Variants in RNF19A observed in about 807,000 individuals in gnomAD.
The protein encoded by RNF19A is ring finger protein 19A, RBR E3 ubiquitin protein ligase.
RNF19A carries 32 observed loss-of-function variants against 75.7 expected under a neutral mutation model. The observed-to-expected ratio is 0.42, with a 90% CI of 0.32 to 0.57. The LOEUF is 0.57. Among genes scored for constraint, RNF19A ranks in the 20% least tolerant of loss-of-function variants. RNF19A has a pLI of 0.10. For missense variants in RNF19A, 782 were observed against 1,036.3 expected (o/e 0.75, Z 3.37); for synonymous variants, 335 against 345.2 (o/e 0.97, Z 0.33).
At chr8:100,298,167 CA>C in intron 1 of RNF19A, among the ~76,000 whole-genome samples, 1 of 145,468 alleles carries the variant, frequency 6.9e-6, no homozygotes, top group Middle Eastern at 3.5e-3. Context: ...GAAGATAGCA[CA>C]AATGTACCTA....
In RNF19A at chr8:100,317,319, C is replaced by G. The variant is rs1010681973; in HGVS notation, c.-242-3947G>C. 6.6e-6 allele frequency among the ~76,000 whole-genome samples: 1 copy of G among 152,234 alleles called. No individual in the cohort carries two copies. Among genetic ancestry groups the G allele is most frequent in the African/African-American group, 2.4e-5 (1 of 41,450 alleles). On this transcript the variant is annotated intron_variant, in intron 1 of 3. Coordinates refer to the RNF19A transcript ENST00000519527. The surrounding 1 kb of genome is among the most constrained non-coding windows in gnomAD (Gnocchi z 4.3). Reference sequence around the variant, plus strand: ...GAGGTGCCGAGAGCAAGCGAGGGCTCTGAGGACTGCCAGCACGCTGTCACC... The same window carrying G: ...GAGGTGCCGAGAGCAAGCGAGGGCTGTGAGGACTGCCAGCACGCTGTCACC...
At position 100,275,221 on chromosome 8, in the gene RNF19A, A is replaced by C; in HGVS notation, c.675-60T>G. On this transcript the variant is annotated intron_variant, in intron 2 of 9. Coordinates refer to ENST00000341084, the MANE Select transcript of RNF19A (RefSeq NM_183419.4). The surrounding 1 kb of genome is among the most constrained non-coding windows in gnomAD (Gnocchi z 4.3). Reference sequence around the variant, plus strand: ...CATAAAACAAGAGATACTCATTTCAAAAAGTATCCAACTAAAGATTATTCC... The same window carrying C: ...CATAAAACAAGAGATACTCATTTCACAAAGTATCCAACTAAAGATTATTCC... The C allele has an allele frequency of 7.0e-7, 1 of 1,428,224 alleles. No homozygotes were observed. The highest frequency in any genetic ancestry group is 9.8e-7 in the Non-Finnish European group (1 of 1,018,808). 88.5% of individuals were successfully genotyped at this position (1,428,224 alleles called of 1,614,324 possible).
At chr8:100,282,009 T>C (rs564670658) in intron 2 of RNF19A, among the ~76,000 whole-genome samples, 34 of 152,342 alleles carry the variant, frequency 2.2e-4, no homozygotes, top group Admixed American at 5.2e-4. Context: ...GGTTCTTTTT[T>C]CCACTATATG....
intron 1 of RNF19A, among the ~76,000 whole-genome samples, chr8:100,318,455 A>G (rs1822415808): frequency 6.6e-6 from 1 of 152,344 alleles, no homozygotes; most frequent in African/African-American, 2.4e-5. Flanking sequence ...TTTTGAAACA[A>G]GGCAAATAAA....
intron 1 of RNF19A, among the ~76,000 whole-genome samples, chr8:100,301,186 T>C (rs531370554): frequency 3.3e-5 from 5 of 152,266 alleles, no homozygotes; most frequent in Non-Finnish European, 7.3e-5. Context: ...GCTACCATAT[T>C]GGACTGAACA....
rs1586583462 is a variant in RNF19A at position 100,258,311 on chromosome 8, C to A, written c.*245G>T. ...CAAGCAATGTTTTGTGGCAAACACACAAAACATGCTTTGCTCTTCAAATTT... is the reference window on the plus strand; with the variant it reads ...CAAGCAATGTTTTGTGGCAAACACAAAAAACATGCTTTGCTCTTCAAATTT... On this transcript the variant is annotated 3_prime_UTR_variant, in exon 10 of 10. Transcript: ENST00000341084. The surrounding 1 kb of genome is among the most constrained non-coding windows in gnomAD (Gnocchi z 4.3). 2.2e-6 allele frequency: 1 copy of A among 447,314 alleles called. No homozygotes were observed. Among genetic ancestry groups the A allele is most frequent in the African/African-American group, 2.0e-5 (1 of 49,210 alleles). The allele number at this position is 447,314 out of a possible 1,614,324, so 27.7% of individuals were successfully genotyped here. A position where few individuals can be genotyped will look rare whatever the true frequency, so the allele number is the denominator to read the frequency against.
chr8:100,258,710 T>G lies in RNF19A; in HGVS notation c.2363A>C (p.Glu788Ala), dbSNP rs1423581847. 2 of 1,614,208 alleles carry G rather than the reference T, an allele frequency of 1.2e-6. No homozygotes were observed. The highest frequency in any genetic ancestry group is 2.2e-5 in the South Asian group (2 of 91,086). The part of the protein sequence containing the change: ...SVVTQTASCS[E>A]VSQLNHIAEE... ...AGCAATATGATTCAACTGTGAAACT[T>G]CTGAACAGGAAGCAGTTTGGGTAAC... The change falls in exon 10 of 10, where the codon GAA becomes GCA. Residue 788 changes from glutamate (E) to alanine (A), a missense_variant. By Grantham distance (107) the Glu-to-Ala change is moderately radical. Around this residue, in one of 7 missense-constraint regions of RNF19A, gnomAD observed 442 missense variants for 541.6 expected, o/e 0.82. Coordinates refer to ENST00000341084, the MANE Select transcript of RNF19A (RefSeq NM_183419.4). This position sits in a 1 kb window ranked among gnomAD's most constrained non-coding sequence, Gnocchi z 4.3.
At chr8:100,263,526 T>A (rs1229466463) in intron 7 of RNF19A, among the ~76,000 whole-genome samples, 2 of 152,218 alleles carry the variant, frequency 1.3e-5, no homozygotes, top group East Asian at 3.8e-4. Context: ...TATTTCCCTA[T>A]GACAAATTTC....
chr8:100,301,539 C>G (rs1021819969), intron 1 of RNF19A, among the ~76,000 whole-genome samples: 4 of 152,192 alleles, frequency 2.6e-5, no homozygotes, highest in Non-Finnish European at 5.9e-5. Flanking sequence ...AATATCTTAA[C>G]AAAACATATA....
intron 5 of RNF19A, among the ~76,000 whole-genome samples, chr8:100,265,349 T>C (rs897146345): frequency 1.3e-5 from 2 of 152,342 alleles, no homozygotes; most frequent in East Asian, 1.9e-4. Context: ...CTCTCATTTA[T>C]AGCTCAAAGT....
At chr8:100,270,312 A>G (rs1586611592) in intron 3 of RNF19A, among the ~76,000 whole-genome samples, 1 of 152,136 alleles carries the variant, frequency 6.6e-6, no homozygotes, top group African/African-American at 2.4e-5. Flanking sequence ...GCAAATTGTG[A>G]ACTACGTAAA....
Position 100,284,553 on chromosome 8 carries a change from A to G in RNF19A, c.674+2948T>C, listed in dbSNP as rs1820929722. Reference sequence around the variant, plus strand: ...ACGGACAATTATTTGTTAAATTTATATAATAATCACGTGGTTGTTTTCATA... The same window carrying G: ...ACGGACAATTATTTGTTAAATTTATGTAATAATCACGTGGTTGTTTTCATA... On this transcript the variant is annotated intron_variant, in intron 2 of 9. Coordinates refer to ENST00000341084, the MANE Select transcript of RNF19A (RefSeq NM_183419.4). The surrounding 1 kb of genome is among the most constrained non-coding windows in gnomAD (Gnocchi z 4.3). Among the ~76,000 whole-genome samples, 2 of 152,174 alleles carry G rather than the reference A, an allele frequency of 1.3e-5. No individual in the cohort carries two copies. The highest frequency in any genetic ancestry group is 6.5e-5 in the Admixed American group (1 of 15,284).
At position 100,261,459 on chromosome 8, in the gene RNF19A, T is replaced by C; in HGVS notation, c.1682+83A>G. The C allele has an allele frequency of 6.7e-6, 8 of 1,194,378 alleles. No homozygotes were observed. Among genetic ancestry groups the C allele is most frequent in the Non-Finnish European group, 9.9e-6 (8 of 810,308 alleles). 74.0% of individuals were successfully genotyped at this position (1,194,378 alleles called of 1,614,324 possible). On this transcript the variant is annotated intron_variant, in intron 8 of 9. Coordinates refer to ENST00000341084, the MANE Select transcript of RNF19A (RefSeq NM_183419.4). This position sits in a 1 kb window ranked among gnomAD's most constrained non-coding sequence, Gnocchi z 4.4. ...GACATAGTAGGGTTATATATAATCA[T>C]CATGCTTTATGTTCAAAATTCTCAC...
Position 100,333,019 on chromosome 8 carries a change from T to C in RNF19A, c.-243+3089A>G, listed in dbSNP as rs947704287. Among the ~76,000 whole-genome samples, 1 of 152,222 alleles carries C rather than the reference T, an allele frequency of 6.6e-6. No individual in the cohort carries two copies. Among genetic ancestry groups the C allele is most frequent in the Admixed American group, 6.5e-5 (1 of 15,282 alleles). Reference sequence around the variant, plus strand: ...CATGACAACTTTGACTCTTTTCTCTTTTTCACCCTCAGTATATTGCTAACT... The same window carrying C: ...CATGACAACTTTGACTCTTTTCTCTCTTTCACCCTCAGTATATTGCTAACT... On this transcript the variant is annotated intron_variant, in intron 1 of 3. Coordinates refer to the RNF19A transcript ENST00000519527. The surrounding 1 kb of genome is among the most constrained non-coding windows in gnomAD (Gnocchi z 4.7).
intron 1 of RNF19A, among the ~76,000 whole-genome samples, chr8:100,306,600 A>AAGT (rs1822072027): frequency 6.6e-6 from 1 of 152,244 alleles, no homozygotes; most frequent in Non-Finnish European, 1.5e-5. Flanking sequence ...TTGATATAGA[A>AAGT]AGTATCACTG....
At position 100,270,025 on chromosome 8, in the gene RNF19A, A is replaced by T; in HGVS notation, c.884-12T>A. ...CTTTATATCATCAGCTATTGGGAAC[A>T]CAGAGAAATCTATTAAGTACATAAA... On this transcript the variant is annotated splice_polypyrimidine_tract_variant and intron_variant, in intron 3 of 9. Transcript: ENST00000341084. 1 of 1,558,490 alleles carries T rather than the reference A, an allele frequency of 6.4e-7. No homozygotes were observed. The highest frequency in any genetic ancestry group is 8.7e-7 in the Non-Finnish European group (1 of 1,154,602).
chr8:100,327,245 C>CTTTTTTTTTTT (rs71303441), intron 1 of RNF19A, among the ~76,000 whole-genome samples: 13 of 75,836 alleles, frequency 1.7e-4, no homozygotes, highest in South Asian at 5.8e-4. Context: ...GCAATTACTT[C>CTTTTTTTTTTT]TTTTTTTTTT....
chr8:100,320,778 C>G lies in RNF19A; in HGVS notation c.-242-7406G>C, dbSNP rs145037612. Among the ~76,000 whole-genome samples the G allele has an allele frequency of 1.9e-3, 285 of 151,076 alleles. 1 individual carries two copies. Among genetic ancestry groups the G allele is most frequent in the African/African-American group, 6.4e-3 (263 of 41,322 alleles). ...CACTTAGTAATAGCTCAAGGCATAC[C>G]TTGAAGATATTGTGGGTTCAGTTCC... On this transcript the variant is annotated intron_variant, in intron 1 of 3. Transcript: ENST00000519527.
rs1822520329 is a variant in RNF19A at position 100,325,354 on chromosome 8, T to C, written c.-243+10754A>G. ...TAGTTACAATGTAACTGTGTAAATT[T>C]ATAAATTATAAAATTACAAAGTAAT... is the stretch of plus-strand genomic sequence containing the variant. On this transcript the variant is annotated intron_variant, in intron 1 of 3. Transcript: ENST00000519527. The surrounding 1 kb of genome is among the most constrained non-coding windows in gnomAD (Gnocchi z 4.3). Among the ~76,000 whole-genome samples, 1 of 152,222 alleles carries C rather than the reference T, an allele frequency of 6.6e-6. No individual in the cohort carries two copies. Among genetic ancestry groups the C allele is most frequent in the Admixed American group, 6.5e-5 (1 of 15,278 alleles).
Sources: allele counts gnomAD v4.1 joint callset (sites outside exome capture counted in the v4.1 genomes callset), GRCh38; gene constraint gnomAD v4.1.1; regional missense constraint gnomAD v4.1.1; non-coding constraint Gnocchi (gnomAD v3.1); transcripts MANE v1.5; gene names NCBI Gene and HGNC (gene_info 2026-07-23, HGNC 2026-07-21).